NAALADL2: variants seen among roughly 807,000 people sequenced by gnomAD.
NAALADL2 encodes inactive N-acetylated-alpha-linked acidic dipeptidase-like protein 2.
In NAALADL2, 76 loss-of-function variants were observed where a neutral mutation model predicts 87.2. That is an observed-to-expected ratio of 0.87 (90% CI 0.72 to 1.05). The LOEUF is 1.05. NAALADL2 is among the 50% of genes least tolerant of loss of function. The probability of loss-of-function intolerance (pLI) is 0.00; values close to 1 mark genes in which losing one functional copy is unlikely to be tolerated. For missense variants in NAALADL2, 1,089 were observed against 945.8 expected (o/e 1.15, Z -1.99); for synonymous variants, 354 against 331.0 (o/e 1.07, Z -0.75).
At chr3:175,577,462 G>A (rs1392917618) in intron 10 of NAALADL2, among the ~76,000 whole-genome samples, 1 of 152,170 alleles carries the variant, frequency 6.6e-6, no homozygotes, top group African/African-American at 2.4e-5. Flanking sequence ...TTATCAGGCT[G>A]AGGAGGTGGA....
chr3:174,877,451 C>T (rs914315012), intron 1 of NAALADL2, among the ~76,000 whole-genome samples: 2 of 152,040 alleles, frequency 1.3e-5, no homozygotes, highest in African/African-American at 4.8e-5. Flanking sequence ...TCTCAATTCT[C>T]CCTATTTCAG....
intron 2 of NAALADL2, among the ~76,000 whole-genome samples, chr3:174,612,565 G>A (rs1210444201): frequency 6.6e-6 from 1 of 151,748 alleles, no homozygotes; most frequent in Non-Finnish European, 1.5e-5. Context: ...GATCAATTCT[G>A]TTATTAAAAG....
At chr3:175,303,843 C>A (rs1308276014) in intron 4 of NAALADL2, among the ~76,000 whole-genome samples, 1 of 152,080 alleles carries the variant, frequency 6.6e-6, no homozygotes, top group Non-Finnish European at 1.5e-5. Flanking sequence ...CACAATTTAC[C>A]AATTGCCTTA....
At chr3:175,195,049 C>G (rs1464103387) in intron 2 of NAALADL2, among the ~76,000 whole-genome samples, 1 of 151,428 alleles carries the variant, frequency 6.6e-6, no homozygotes, top group Non-Finnish European at 1.5e-5. Flanking sequence ...CTCTCTCCCT[C>G]CTCTAAGACT....
At chr3:174,884,587 G>C (rs561997491) in intron 1 of NAALADL2, among the ~76,000 whole-genome samples, 72 of 152,268 alleles carry the variant, frequency 4.7e-4, no homozygotes, top group African/African-American at 1.6e-3. Context: ...CAGAAGCATT[G>C]TGTGCAGGAT....
At chr3:175,734,771 A>T (rs1583053702) in intron 11 of NAALADL2, among the ~76,000 whole-genome samples, 1 of 152,046 alleles carries the variant, frequency 6.6e-6, no homozygotes, top group Non-Finnish European at 1.5e-5. Flanking sequence ...CAGCAGAGGG[A>T]CCCTGGGCCT....
chr3:175,401,836 C>G (rs750495473), intron 5 of NAALADL2, among the ~76,000 whole-genome samples: 1 of 152,006 alleles, frequency 6.6e-6, no homozygotes, highest in South Asian at 2.1e-4. Context: ...TGAAATACAT[C>G]GCTATTTTTC....
chr3:174,898,132 A>AAAAAAAAAAAAG (rs1731827060), intron 1 of NAALADL2, among the ~76,000 whole-genome samples: 1 of 131,986 alleles, frequency 7.6e-6, no homozygotes, highest in Non-Finnish European at 1.5e-5. Flanking sequence ...AAAAAAAAAA[A>AAAAAAAAAAAAG]AAAAAAAAAA....
At chr3:175,781,674 T>C (rs1439465198) in intron 13 of NAALADL2, among the ~76,000 whole-genome samples, 1 of 151,812 alleles carries the variant, frequency 6.6e-6, no homozygotes, top group Admixed American at 6.6e-5. Flanking sequence ...AAAAAAAGTT[T>C]AAAAGGTAAA....
intron 1 of NAALADL2, among the ~76,000 whole-genome samples, chr3:174,869,112 G>C (rs1317991389): frequency 6.6e-6 from 1 of 152,040 alleles, no homozygotes; most frequent in Admixed American, 6.6e-5. Context: ...GGACAAAATA[G>C]TCAAACAGCA....
At chr3:175,058,312 A>G (rs748491145) in intron 1 of NAALADL2, among the ~76,000 whole-genome samples, 18 of 152,302 alleles carry the variant, frequency 1.2e-4, no homozygotes, top group Non-Finnish European at 1.6e-4. Flanking sequence ...GTATTCATCT[A>G]TCTACTGATT....
At chr3:175,614,447 A>G (rs1725069393) in intron 10 of NAALADL2, among the ~76,000 whole-genome samples, 1 of 152,236 alleles carries the variant, frequency 6.6e-6, no homozygotes, top group Non-Finnish European at 1.5e-5. Context: ...CTTAAATTAT[A>G]ATACATATTT....
chr3:175,313,735 A>C (rs535772894), intron 4 of NAALADL2, among the ~76,000 whole-genome samples: 1 of 152,164 alleles, frequency 6.6e-6, no homozygotes, highest in South Asian at 2.1e-4. Flanking sequence ...AAAAGTAACA[A>C]TAGAAGTTAA....
intron 2 of NAALADL2, among the ~76,000 whole-genome samples, chr3:174,590,383 G>T (rs1485473424): frequency 6.6e-6 from 1 of 152,050 alleles, no homozygotes; most frequent in Non-Finnish European, 1.5e-5. Flanking sequence ...TATTTTAAAA[G>T]ATACTGTATA....
At chr3:175,458,609 C>A (rs1347168940) in intron 6 of NAALADL2, among the ~76,000 whole-genome samples, 1 of 147,866 alleles carries the variant, frequency 6.8e-6, no homozygotes, top group Non-Finnish European at 1.5e-5. Flanking sequence ...TATATAAAAC[C>A]ATGAGAACAT....
At chr3:175,170,475 A>G (rs1734649395) in intron 2 of NAALADL2, among the ~76,000 whole-genome samples, 1 of 146,906 alleles carries the variant, frequency 6.8e-6, no homozygotes, top group Non-Finnish European at 1.5e-5. Context: ...ATATAAATAT[A>G]ATATAATATA....
intron 3 of NAALADL2, among the ~76,000 whole-genome samples, chr3:174,773,652 G>C (rs1309337194): frequency 6.6e-6 from 1 of 152,100 alleles, no homozygotes; most frequent in Non-Finnish European, 1.5e-5. Flanking sequence ...ATATTTCCAG[G>C]AGTTATGAGG....
chr3:174,675,437 T>G (rs897117801), intron 2 of NAALADL2, among the ~76,000 whole-genome samples: 4 of 152,012 alleles, frequency 2.6e-5, no homozygotes, highest in African/African-American at 9.7e-5. Flanking sequence ...TAAAGTGAAG[T>G]GTTCACCACT....
At chr3:174,555,295 C>T (rs935220014) in intron 2 of NAALADL2, among the ~76,000 whole-genome samples, 21 of 152,102 alleles carry the variant, frequency 1.4e-4, no homozygotes, top group Non-Finnish European at 2.4e-4. Flanking sequence ...CCCAAAGCCA[C>T]GGGGAAATTA....
Sources: gnomAD v4.1 joint callset for allele counts (sites outside exome capture counted in the v4.1 genomes callset) on GRCh38, gnomAD v4.1.1 for gene constraint, MANE v1.5 for transcripts, NCBI Gene and HGNC (gene_info 2026-07-23, HGNC 2026-07-21) for gene names.